KIF26B: variants seen among roughly 807,000 people sequenced by gnomAD.
KIF26B encodes kinesin family member 26B.
Under a neutral mutation model 151.2 loss-of-function variants are expected in KIF26B, and 63 were observed. The observed-to-expected ratio is 0.42, with a 90% CI of 0.34 to 0.51. KIF26B has a LOEUF of 0.51. Among genes scored for constraint, KIF26B ranks in the 20% least tolerant of loss-of-function variants. The pLI is 0.07. For synonymous variants in KIF26B, 1,357 were observed against 1,262.1 expected, an observed-to-expected ratio of 1.08 and a Z score of -1.59; for missense variants, 2,813 against 2,913.6, an observed-to-expected ratio of 0.97 and a Z score of 0.79.
chr1:245,527,156 G>A (rs899333936), intron 4 of KIF26B, among the ~76,000 whole-genome samples: 9 of 152,196 alleles, frequency 5.9e-5, no homozygotes, highest in South Asian at 2.1e-4. Flanking sequence ...GCAGCATGGT[G>A]TAATGAAAAG....
At chr1:245,676,033 C>T (rs187133868) in intron 10 of KIF26B, among the ~76,000 whole-genome samples, 2 of 152,120 alleles carry the variant, frequency 1.3e-5, no homozygotes, top group Admixed American at 1.3e-4. Context: ...TCACCTGTTA[C>T]CATGGCAGTG....
chr1:245,224,139 G>A (rs1398878624), intron 2 of KIF26B, among the ~76,000 whole-genome samples: 1 of 152,084 alleles, frequency 6.6e-6, no homozygotes, highest in East Asian at 1.9e-4. Context: ...ACAAAAATTA[G>A]CCGGGTGTGG....
chr1:245,539,697 G>A (rs1054431242), intron 4 of KIF26B, among the ~76,000 whole-genome samples: 1 of 152,154 alleles, frequency 6.6e-6, no homozygotes, highest in Non-Finnish European at 1.5e-5. Context: ...CTGTCACCCA[G>A]CCTGGAGAGC....
intron 4 of KIF26B, among the ~76,000 whole-genome samples, chr1:245,521,205 C>T (rs1031558910): frequency 3.3e-5 from 5 of 151,996 alleles, no homozygotes; most frequent in Non-Finnish European, 5.9e-5. Flanking sequence ...GGTGTGGTGG[C>T]GAGCACCTGT....
At chr1:245,332,084 C>T (rs957222711) in intron 2 of KIF26B, among the ~76,000 whole-genome samples, 2 of 152,098 alleles carry the variant, frequency 1.3e-5, no homozygotes, top group Non-Finnish European at 2.9e-5. Flanking sequence ...CAAGATGGCA[C>T]CACTGCATTC....
At chr1:245,361,338 G>A (rs1672813598) in intron 2 of KIF26B, among the ~76,000 whole-genome samples, 2 of 152,162 alleles carry the variant, frequency 1.3e-5, no homozygotes, top group Non-Finnish European at 2.9e-5. Context: ...AGGGTAATTT[G>A]GTTTCTTATG....
intron 2 of KIF26B, among the ~76,000 whole-genome samples, chr1:245,168,369 G>A (rs971391247): frequency 2.0e-5 from 3 of 152,158 alleles, no homozygotes; most frequent in Non-Finnish European, 2.9e-5. Context: ...TTTGGAATTC[G>A]GATCATAAAC....
chr1:245,473,276 G>A (rs1659953039), intron 4 of KIF26B, among the ~76,000 whole-genome samples: 1 of 152,160 alleles, frequency 6.6e-6, no homozygotes, highest in Admixed American at 6.5e-5. Context: ...CAGTGGTTTC[G>A]TGATGTGTCT....
At chr1:245,587,783 G>A (rs1405041710) in intron 5 of KIF26B, among the ~76,000 whole-genome samples, 2 of 152,210 alleles carry the variant, frequency 1.3e-5, no homozygotes, top group Non-Finnish European at 2.9e-5. Flanking sequence ...CTACAGAGCC[G>A]TGATCAAACC....
chr1:245,688,895 G>T lies in KIF26B; in HGVS notation c.5824+88G>T, dbSNP rs2044582107. ...CCACTGCCAGGGTGTCCCGTGCCCT[G>T]GGGAGGGGGCGTCCAGGCCTGGCCT... On this transcript the variant is annotated intron_variant, in intron 12 of 14. Coordinates refer to ENST00000407071, the MANE Select transcript of KIF26B (RefSeq NM_018012.4). The T allele has an allele frequency of 3.5e-6, 5 of 1,443,144 alleles. No individual in the cohort carries two copies. In the East Asian group the frequency reaches 1.3e-4, roughly 37 times the overall value. 89.4% of individuals were successfully genotyped at this position (1,443,144 alleles called of 1,614,324 possible). A position where few individuals can be genotyped will look rare whatever the true frequency, so the allele number is the denominator to read the frequency against.
At chr1:245,662,021 GAT>G (rs62644769) in intron 10 of KIF26B, among the ~76,000 whole-genome samples, 20,906 of 38,496 alleles carry the variant, frequency 0.54, 8,147 homozygotes, top group East Asian at 0.86. Context: ...TACACCCAAT[GAT>G]ATATATATTA....
intron 5 of KIF26B, among the ~76,000 whole-genome samples, chr1:245,543,975 C>T (rs1220927620): frequency 2.6e-5 from 4 of 151,804 alleles, no homozygotes; most frequent in African/African-American, 4.8e-5. Flanking sequence ...AAAAGAAAAA[C>T]GAGAAGTTGC....
chr1:245,377,704 T>C (rs1462054331), intron 3 of KIF26B, among the ~76,000 whole-genome samples: 1 of 152,106 alleles, frequency 6.6e-6, no homozygotes, highest in Non-Finnish European at 1.5e-5. Flanking sequence ...AGGTAAAAGG[T>C]ACATGCGGGC....
At chr1:245,347,269 C>T (rs541826232) in intron 2 of KIF26B, among the ~76,000 whole-genome samples, 10 of 152,210 alleles carry the variant, frequency 6.6e-5, no homozygotes, top group Non-Finnish European at 1.2e-4. Context: ...TTCTCTTAAC[C>T]TCACACATCT....
Position 245,708,776 on chromosome 1 carries a change from T to C in KIF26B, c.*6170T>C, listed in dbSNP as rs1311126383. ...AAGACATTGTGCTAGATGATCTTTG[T>C]GGTTCCTTCAAGCTCTGGATCTCTA... On this transcript the variant is annotated 3_prime_UTR_variant, in exon 15 of 15. Coordinates refer to ENST00000407071, the MANE Select transcript of KIF26B (RefSeq NM_018012.4). 2 of 152,238 alleles carry C rather than the reference T, an allele frequency of 1.3e-5. No individual in the cohort carries two copies. The highest frequency in any genetic ancestry group is 2.9e-5 in the Non-Finnish European group (2 of 68,038). 9.4% of individuals were successfully genotyped at this position (152,238 alleles called of 1,614,324 possible). A position where few individuals can be genotyped will look rare whatever the true frequency, so the allele number is the denominator to read the frequency against.
rs546761347 is a variant in KIF26B, at chr1:245,687,620, G to A, written c.4637G>A (p.Arg1546Gln). ...CCCAGGGCCTTTCAGAAGGCCAGCC[G>A]GCAGGAGGAGCCGGACAGCCTCTCC... ...SLPRAFQKAS[R>Q]QEEPDSLSYY... The change falls in exon 12 of 15, where the codon CGG (arginine) becomes CAG (glutamine). Residue 1546 changes from arginine to glutamine, a missense_variant. Arg to Gln is a conservative substitution (Grantham distance 43, BLOSUM62 1). Coordinates refer to ENST00000407071, the MANE Select transcript of KIF26B (RefSeq NM_018012.4). This position sits in a 1 kb window ranked among gnomAD's most constrained non-coding sequence, Gnocchi z 4.9. The A allele has an allele frequency of 2.0e-5, 32 of 1,564,742 alleles. 2 individuals carry two copies. The South Asian group carries it at 2.6e-4, about 13-fold the overall frequency.
rs113561056 is a variant in KIF26B, at chr1:245,495,633, A to G, written c.1167-45134A>G. Reference sequence around the variant, plus strand: ...TTGGTCTATAGTTTGGTATCCATTAATGAACCTCTCCCCATCCACCTCTCC... The same window carrying G: ...TTGGTCTATAGTTTGGTATCCATTAGTGAACCTCTCCCCATCCACCTCTCC... On this transcript the variant is annotated intron_variant, in intron 4 of 14. Coordinates refer to ENST00000407071, the MANE Select transcript of KIF26B (RefSeq NM_018012.4). The surrounding 1 kb of genome is among the most constrained non-coding windows in gnomAD (Gnocchi z 4.2). Among the ~76,000 whole-genome samples the G allele has an allele frequency of 8.0e-3, 1,219 of 152,286 alleles. 15 individuals carry two copies. Among genetic ancestry groups the G allele is most frequent in the Middle Eastern group, 0.037 (11 of 294 alleles).
chr1:245,377,105 G>C (rs1272279957), intron 3 of KIF26B, among the ~76,000 whole-genome samples: 1 of 152,052 alleles, frequency 6.6e-6, no homozygotes, highest in Admixed American at 6.6e-5. Context: ...AGTAGAGACA[G>C]GGTTTCACCA....
intron 4 of KIF26B, among the ~76,000 whole-genome samples, chr1:245,515,685 C>T (rs768328540): frequency 3.9e-5 from 6 of 152,180 alleles, no homozygotes; most frequent in Non-Finnish European, 8.8e-5. Context: ...ACCATCCTTG[C>T]AGTGTGGGCC....
Sources: gnomAD v4.1 joint callset for allele counts (sites outside exome capture counted in the v4.1 genomes callset) on GRCh38, gnomAD v4.1.1 for gene constraint, Gnocchi (gnomAD v3.1) non-coding constraint, MANE v1.5 for transcripts, NCBI Gene and HGNC (gene_info 2026-07-23, HGNC 2026-07-21) for gene names.